Variants in TFAP2D observed in about 807,000 individuals in gnomAD.
TFAP2D encodes the protein transcription factor AP-2 delta.
Under a neutral mutation model 43.6 loss-of-function variants are expected in TFAP2D, and 9 were observed. That is an observed-to-expected ratio of 0.21 (90% CI 0.12 to 0.36). TFAP2D has a LOEUF of 0.36. TFAP2D is among the 10% of genes least tolerant of loss of function. The pLI is 1.00. For missense variants in TFAP2D, 513 were observed against 561.4 expected (o/e 0.91, Z 0.87); for synonymous variants, 256 against 224.9 (o/e 1.14, Z -1.24).
intron 3 of TFAP2D, among the ~76,000 whole-genome samples, chr6:50,727,456 G>A (rs750186651): frequency 1.8e-4 from 27 of 152,288 alleles, no homozygotes; most frequent in Non-Finnish European, 2.6e-4. Context: ...ATACCTGGGA[G>A]GCAAGTGGTA....
chr6:50,772,013 C>G (rs1769535652), intron 7 of TFAP2D, among the ~76,000 whole-genome samples: 1 of 152,216 alleles, frequency 6.6e-6, no homozygotes, highest in South Asian at 2.1e-4. Flanking sequence ...CAATGATAGA[C>G]TGGATTAAGA....
intron 5 of TFAP2D, among the ~76,000 whole-genome samples, chr6:50,739,529 G>A (rs144952464): frequency 2.1e-4 from 32 of 152,218 alleles, no homozygotes; most frequent in African/African-American, 7.5e-4. Flanking sequence ...ATTTTTTAAA[G>A]CAAATTTCTA....
intron 5 of TFAP2D, among the ~76,000 whole-genome samples, chr6:50,742,600 A>AGATAGAT (rs1769063852): frequency 6.6e-6 from 1 of 150,476 alleles, no homozygotes; most frequent in South Asian, 2.1e-4. Context: ...ATAGATAGAT[A>AGATAGAT]GATAGATAGA....
intron 5 of TFAP2D, among the ~76,000 whole-genome samples, chr6:50,736,624 G>A (rs1768966513): frequency 6.6e-6 from 1 of 152,090 alleles, no homozygotes; most frequent in African/African-American, 2.4e-5. Flanking sequence ...CCCCAGGGCT[G>A]CATTTTAAGA....
chr6:50,737,290 T>C (rs1414777220), intron 5 of TFAP2D, among the ~76,000 whole-genome samples: 1 of 152,180 alleles, frequency 6.6e-6, no homozygotes, highest in African/African-American at 2.4e-5. Flanking sequence ...TTGAAATTTG[T>C]AGGTATTTTA....
At chr6:50,720,892 C>A (rs1768712464) in intron 3 of TFAP2D, among the ~76,000 whole-genome samples, 1 of 152,192 alleles carries the variant, frequency 6.6e-6, no homozygotes, top group Admixed American at 6.5e-5. Context: ...CACACTTGAC[C>A]AAGATCACCT....
chr6:50,724,832 G>A (rs1561932444), intron 3 of TFAP2D, among the ~76,000 whole-genome samples: 1 of 151,996 alleles, frequency 6.6e-6, no homozygotes, highest in Non-Finnish European at 1.5e-5. Flanking sequence ...CCTGCAACGG[G>A]GTAGTTGTTT....
chr6:50,741,977 A>C (rs1364323734), intron 5 of TFAP2D, among the ~76,000 whole-genome samples: 2 of 151,956 alleles, frequency 1.3e-5, no homozygotes, highest in Admixed American at 6.6e-5. Flanking sequence ...ATGGATTTTT[A>C]TTTTCCCAAA....
In TFAP2D at chr6:50,729,345, G is replaced by C. The variant is rs535458168; in HGVS notation, c.883+33G>C. 305 of 1,572,190 alleles carry C rather than the reference G, an allele frequency of 1.9e-4. 2 individuals are homozygous for C. In the South Asian group the frequency reaches 3.1e-3, roughly 16 times the overall value. On this transcript the variant is annotated intron_variant, in intron 5 of 7. Transcript: ENST00000008391. ...TTTTCAGTTTAGCAAAATAATGCTG[G>C]AAGGTTGGCGTGTCTTTGAAACTCA...
chr6:50,723,580 C>T (rs1216408209), intron 3 of TFAP2D, among the ~76,000 whole-genome samples: 2 of 152,192 alleles, frequency 1.3e-5, no homozygotes, highest in African/African-American at 4.8e-5. Context: ...CCTCGCCTGC[C>T]TCCTTAGTCC....
chr6:50,715,167 G>A lies in TFAP2D; in HGVS notation c.91G>A (p.Glu31Lys). Reference sequence around the variant, plus strand: ...CCGTTTGATGCAGCTTGGCTGTCTGGAGTCAGTAGCCAATTCCACTGTCGC... The same window carrying A: ...CCGTTTGATGCAGCTTGGCTGTCTGAAGTCAGTAGCCAATTCCACTGTCGC... ...SYRLMQLGCLESVANSTVAYS... is the reference protein window; with the variant it reads ...SYRLMQLGCLKSVANSTVAYS... The change falls in exon 2 of 8, where the codon GAG becomes AAG. Residue 31 changes from glutamate (E) to lysine (K), a missense_variant. Transcript: ENST00000008391. 1 of 1,613,994 alleles carries A rather than the reference G, an allele frequency of 6.2e-7. No individual in the cohort carries two copies. Among genetic ancestry groups the A allele is most frequent in the Non-Finnish European group, 8.5e-7 (1 of 1,180,002 alleles).
chr6:50,772,395 T>A (rs1038656193), intron 7 of TFAP2D, among the ~76,000 whole-genome samples: 2 of 151,934 alleles, frequency 1.3e-5, no homozygotes, highest in African/African-American at 2.4e-5. Context: ...TATAATAAAA[T>A]ATATATATAA....
chr6:50,771,809 T>G (rs1769532952), intron 7 of TFAP2D, among the ~76,000 whole-genome samples: 1 of 152,128 alleles, frequency 6.6e-6, no homozygotes, highest in African/African-American at 2.4e-5. Flanking sequence ...GTAAACTAGT[T>G]CAACCATTGT....
chr6:50,745,663 G>A (rs1025765445), intron 6 of TFAP2D, among the ~76,000 whole-genome samples: 1 of 152,096 alleles, frequency 6.6e-6, no homozygotes, highest in Non-Finnish European at 1.5e-5. Flanking sequence ...CAGAAGATGA[G>A]GTCACACGTT....
chr6:50,715,701 T>TCTC (rs1768611096), intron 2 of TFAP2D, 88 bp downstream of exon 2: 1 of 1,352,574 alleles, frequency 7.4e-7, no homozygotes, highest in Non-Finnish European at 1.0e-6. Context: ...GTAAAGCGTC[T>TCTC]CTCTTTCTCT....
chr6:50,716,272 G>A (rs1768626042), intron 2 of TFAP2D, among the ~76,000 whole-genome samples: 1 of 152,206 alleles, frequency 6.6e-6, no homozygotes, highest in Non-Finnish European at 1.5e-5. Flanking sequence ...CCAGGGTGTA[G>A]GGTTGAGTTT....
At chr6:50,718,317 T>C (rs978031041) in intron 2 of TFAP2D, 1 of 152,188 alleles carries the variant, frequency 6.6e-6, no homozygotes, top group Non-Finnish European at 1.5e-5. Flanking sequence ...TCTCTCCGCA[T>C]TTACTTAACT....
At chr6:50,719,906 C>A (rs1046159681) in intron 3 of TFAP2D, among the ~76,000 whole-genome samples, 1 of 152,170 alleles carries the variant, frequency 6.6e-6, no homozygotes, top group African/African-American at 2.4e-5. Context: ...CTAAAGGGGG[C>A]TGCATCTCAG....
In TFAP2D at chr6:50,757,078, G is replaced by A. The variant is rs1006626547; in HGVS notation, c.1139+5754G>A. ...AGGGAAGACACCCTGTCCAAAAGATGAGAAAACTTTTTTTCTCAGCATGTA... is the reference window on the plus strand; with the variant it reads ...AGGGAAGACACCCTGTCCAAAAGATAAGAAAACTTTTTTTCTCAGCATGTA... On this transcript the variant is annotated intron_variant, in intron 7 of 7. Transcript: ENST00000008391. Among the ~76,000 whole-genome samples the A allele has an allele frequency of 2.6e-5, 4 of 151,772 alleles. No individual in the cohort carries two copies. The East Asian group carries it at 7.8e-4, about 30-fold the overall frequency.
Sources: allele counts gnomAD v4.1 joint callset (sites outside exome capture counted in the v4.1 genomes callset), GRCh38; gene constraint gnomAD v4.1.1; transcripts MANE v1.5; gene names NCBI Gene and HGNC (gene_info 2026-07-23, HGNC 2026-07-21).